Variants in LSP1 observed in about 807,000 individuals in gnomAD.
The protein encoded by LSP1 is lymphocyte specific protein 1, also known as lymphocyte-specific protein 1.
A neutral mutation model predicts 49.3 loss-of-function variants in LSP1; 32 were observed. That is an observed-to-expected ratio of 0.65 (90% CI 0.49 to 0.87). LSP1 has a LOEUF of 0.87. Among genes scored for constraint, LSP1 ranks in the 40% least tolerant of loss-of-function variants. The pLI, the probability that LSP1 is intolerant of heterozygous loss-of-function variation, is 0.00. For synonymous variants in LSP1, 179 were observed against 178.8 expected (o/e 1.00, Z -0.01); for missense variants, 428 against 442.6 (o/e 0.97, Z 0.30).
rs1457081847 is a variant in LSP1 at position 1,881,489 on chromosome 11, C to G, written c.249C>G (p.Asp83Glu). 1.3e-6 allele frequency: 2 copies of G among 1,578,304 alleles called. No homozygotes were observed. The highest frequency in any genetic ancestry group is 2.3e-5 in the East Asian group (1 of 43,498). The change falls in exon 3 of 11, where the codon GAC (aspartate) becomes GAG (glutamate). Residue 83 changes from aspartate to glutamate, a missense_variant. Physicochemically the swap from Asp to Glu is conservative, Grantham distance 45. Transcript: ENST00000311604. Reference protein sequence around the residue: ...PELDEDEGFGDWSQRPEQRQQ... With the variant: ...PELDEDEGFGEWSQRPEQRQQ... ...TGGATGAGGACGAGGGCTTTGGCGA[C>G]TGGTCCCAGAGGCCAGAGCAGCGGC... is the stretch of plus-strand genomic sequence containing the variant.
intron 1 of LSP1, chr11:1,869,372 C>T (rs866131826): frequency 2.9e-5 from 9 of 307,200 alleles, no homozygotes; most frequent in East Asian, 8.5e-5. Flanking sequence ...AGCGAAGGCA[C>T]GAGAAAGAAA....
intron 1 of LSP1, among the ~76,000 whole-genome samples, chr11:1,879,437 G>T (rs188684654): frequency 6.6e-6 from 1 of 152,212 alleles, no homozygotes; most frequent in Non-Finnish European, 1.5e-5. Flanking sequence ...ACCCTGTAAG[G>T]TGCCCCCAGC....
At chr11:1,886,420 CTCTA>C (rs1299127974) in intron 7 of LSP1, among the ~76,000 whole-genome samples, 1 of 152,212 alleles carries the variant, frequency 6.6e-6, no homozygotes, top group Non-Finnish European at 1.5e-5. Flanking sequence ...ACCATTGTCC[CTCTA>C]TCCATTCAAT....
intron 1 of LSP1, 117 bp downstream of exon 1, chr11:1,853,314 G>A: frequency 9.3e-7 from 1 of 1,069,636 alleles, no homozygotes; most frequent in East Asian, 2.6e-5. Context: ...GCCCCCAATG[G>A]GAGAACTTGG....
At chr11:1,876,090 C>T (rs541691208) in intron 1 of LSP1, among the ~76,000 whole-genome samples, 5 of 152,334 alleles carry the variant, frequency 3.3e-5, no homozygotes, top group South Asian at 2.1e-4. Context: ...AGATAGGCCC[C>T]GACACACACT....
Position 1,884,888 on chromosome 11 carries a change from A to C in LSP1, c.717+307A>C, listed in dbSNP as rs941571571. Among the ~76,000 whole-genome samples the C allele has an allele frequency of 1.3e-5, 2 of 151,842 alleles. No homozygotes were observed. The highest frequency in any genetic ancestry group is 4.8e-5 in the African/African-American group (2 of 41,270). ...TTATACAACCAATACTCCTGCAACC[A>C]ATACTCCTCCAATTATTCAGTGTTC... On this transcript the variant is annotated intron_variant, in intron 7 of 10. Coordinates refer to ENST00000311604, the MANE Select transcript of LSP1 (RefSeq NM_002339.3). The surrounding 1 kb of genome is among the most constrained non-coding windows in gnomAD (Gnocchi z 4.1).
chr11:1,855,980 T>C (rs1847479052), intron 1 of LSP1, among the ~76,000 whole-genome samples: 2 of 152,200 alleles, frequency 1.3e-5, no homozygotes, highest in Non-Finnish European at 2.9e-5. Context: ...TATCCAGATG[T>C]TGGAGCCCAG....
intron 1 of LSP1, among the ~76,000 whole-genome samples, chr11:1,872,752 C>T (rs187743838): frequency 5.6e-4 from 85 of 150,466 alleles, no homozygotes; most frequent in Non-Finnish European, 1.0e-3. Context: ...GTCCGGCTGG[C>T]GTGGGCACCT....
chr11:1,884,063 C>A lies in LSP1; in HGVS notation c.591+39C>A. Reference sequence around the variant, plus strand: ...CAAAGCCTGCCATCTTCTCCCCTCTCCCGTACTCATACCCAAAAGGCCAAT... The same window carrying A: ...CAAAGCCTGCCATCTTCTCCCCTCTACCGTACTCATACCCAAAAGGCCAAT... On this transcript the variant is annotated intron_variant, in intron 5 of 10. Transcript: ENST00000311604. The surrounding 1 kb of genome is among the most constrained non-coding windows in gnomAD (Gnocchi z 4.1). 1.3e-6 allele frequency: 2 copies of A among 1,572,730 alleles called. No individual in the cohort carries two copies. Among genetic ancestry groups the A allele is most frequent in the Non-Finnish European group, 1.7e-6 (2 of 1,153,166 alleles).
chr11:1,885,414 A>T (rs1379949827), intron 7 of LSP1, among the ~76,000 whole-genome samples: 1 of 151,212 alleles, frequency 6.6e-6, no homozygotes, highest in Non-Finnish European at 1.5e-5. Context: ...TCATCCAATC[A>T]ATACCCCTAT....
chr11:1,891,427 GCT>G (rs1318448858), intron 10 of LSP1: 1 of 152,232 alleles, frequency 6.6e-6, no homozygotes, highest in Non-Finnish European at 1.5e-5. Context: ...GCTTAGGACT[GCT>G]CTCAGCTACC....
At chr11:1,878,764 G>C (rs1848416440) in intron 1 of LSP1, among the ~76,000 whole-genome samples, 1 of 152,148 alleles carries the variant, frequency 6.6e-6, no homozygotes, top group African/African-American at 2.4e-5. Context: ...TTCTGGCCTG[G>C]GCTCCCTCCC....
intron 10 of LSP1, among the ~76,000 whole-genome samples, chr11:1,888,180 C>G (rs966398050): frequency 6.6e-6 from 1 of 152,132 alleles, no homozygotes; most frequent in Non-Finnish European, 1.5e-5. Flanking sequence ...ACCATCTTCC[C>G]CTGCCAAACC....
intron 8 of LSP1, 65 bp downstream of exon 8, chr11:1,886,931 C>T (rs549706357): frequency 4.0e-5 from 63 of 1,563,316 alleles, no homozygotes; most frequent in African/African-American, 3.3e-4. Flanking sequence ...AGTAGCAGGC[C>T]GGGTTTCCTT....
chr11:1,883,850 G>C, intron 4 of LSP1, 82 bp from the exon 5 acceptor site: 1 of 1,294,636 alleles, frequency 7.7e-7, no homozygotes, highest in Non-Finnish European at 1.1e-6. Flanking sequence ...GGAAGGAACA[G>C]CATTTGTTCC....
chr11:1,864,354 C>A (rs531761445), intron 1 of LSP1: 1 of 584,300 alleles, frequency 1.7e-6, no homozygotes, highest in Non-Finnish European at 2.2e-6. Flanking sequence ...TGGGAGGCGG[C>A]GATGGGCAGA....
At position 1,872,900 on chromosome 11, in the gene LSP1, G is replaced by A. The variant is rs543365369; in HGVS notation, c.54-7187G>A. Reference sequence around the variant, plus strand: ...CCTCATGCAGCACTGGGTGGGTCATGAAGCTCAGGGGGCTTCAGCAATGGA... The same window carrying A: ...CCTCATGCAGCACTGGGTGGGTCATAAAGCTCAGGGGGCTTCAGCAATGGA... On this transcript the variant is annotated intron_variant, in intron 1 of 10. Transcript: ENST00000311604. Among the ~76,000 whole-genome samples the A allele has an allele frequency of 4.6e-5, 7 of 152,204 alleles. No homozygotes were observed. The South Asian group carries it at 1.4e-3, about 32-fold the overall frequency.
intron 1 of LSP1, among the ~76,000 whole-genome samples, chr11:1,874,068 G>A (rs1321238847): frequency 5.2e-5 from 7 of 134,082 alleles, no homozygotes; most frequent in Admixed American, 1.5e-4. Context: ...CAGGGAGGCC[G>A]GCAGAGGAGG....
At chr11:1,871,841 T>C (rs1182868445) in intron 1 of LSP1, among the ~76,000 whole-genome samples, 1 of 144,050 alleles carries the variant, frequency 6.9e-6, no homozygotes, top group Non-Finnish European at 1.5e-5. Context: ...GGGGTGTGTG[T>C]GGCAGGCAGG....
Sources: allele counts gnomAD v4.1 joint callset (sites outside exome capture counted in the v4.1 genomes callset), GRCh38; gene constraint gnomAD v4.1.1; non-coding constraint Gnocchi (gnomAD v3.1); transcripts MANE v1.5; gene names NCBI Gene and HGNC (gene_info 2026-07-23, HGNC 2026-07-21).